The following KDM6A variants were observed in gnomAD, a reference collection of about 807,000 sequenced individuals.
KDM6A encodes lysine-specific demethylase 6A.
A neutral mutation model predicts 117.6 loss-of-function variants in KDM6A; 11 were observed. The ratio of observed to expected loss-of-function variants is 0.09; its 90% CI spans 0.06 to 0.15. The LOEUF is 0.15. KDM6A is among the 10% of genes least tolerant of loss of function. The probability of loss-of-function intolerance (pLI) is 1.00; values close to 1 mark genes in which losing one functional copy is unlikely to be tolerated. For missense variants in KDM6A, 799 were observed against 1,077.3 expected (o/e 0.74, Z 3.62); for synonymous variants, 384 against 396.1 (o/e 0.97, Z 0.36).
chrX:45,013,556 T>C (rs2041850014), intron 5 of KDM6A, among the ~76,000 whole-genome samples: 1 of 112,182 alleles, frequency 8.9e-6, no homozygotes, highest in South Asian at 3.7e-4. Flanking sequence ...ATATGATTTC[T>C]ATATTTTTCA....
intron 2 of KDM6A, among the ~76,000 whole-genome samples, chrX:44,926,134 G>C (rs932060032): frequency 2.0e-5 from 2 of 100,048 alleles, no homozygotes; most frequent in Admixed American, 1.1e-4. Flanking sequence ...GCAGTGACAT[G>C]ATCCCAGCTC....
chrX:44,883,258 A>G (rs946681361), intron 2 of KDM6A, among the ~76,000 whole-genome samples: 4 of 109,642 alleles, frequency 3.6e-5, no homozygotes, highest in Non-Finnish European at 7.6e-5. Flanking sequence ...TTTTGTAGAG[A>G]CAGGGTTTCA....
At chrX:45,083,647 A>G in intron 24 of KDM6A, 39 bp downstream of exon 24, 1 of 1,107,175 alleles carries the variant, frequency 9.0e-7, no homozygotes, top group South Asian at 1.9e-5. Flanking sequence ...TAAAATGGAA[A>G]ACAAAATCAA....
chrX:45,083,277 T>C (rs999427495), intron 23 of KDM6A, among the ~76,000 whole-genome samples, 183 bp from the exon 24 acceptor site: 5 of 112,178 alleles, frequency 4.5e-5, no homozygotes, highest in African/African-American at 1.6e-4. Flanking sequence ...TTTTTATGCC[T>C]ATTTTTTGTT....
intron 2 of KDM6A, among the ~76,000 whole-genome samples, chrX:44,875,418 C>A (rs1176242883): frequency 9.0e-6 from 1 of 111,360 alleles, no homozygotes; most frequent in African/African-American, 3.3e-5. Flanking sequence ...GTAAGCCCGG[C>A]CCCTTTGACC....
intron 5 of KDM6A, among the ~76,000 whole-genome samples, chrX:45,020,121 G>A (rs997730471): frequency 9.0e-6 from 1 of 111,336 alleles, no homozygotes; most frequent in African/African-American, 3.3e-5. Flanking sequence ...TCTCTTAACC[G>A]CACATAGTAT....
chrX:44,951,918 A>C (rs983830601), intron 2 of KDM6A, among the ~76,000 whole-genome samples: 4 of 111,706 alleles, frequency 3.6e-5, no homozygotes, highest in African/African-American at 1.3e-4. Context: ...TAATTACTGT[A>C]ATAGACCCCA....
chrX:44,997,003 C>G (rs1471609993), intron 4 of KDM6A, among the ~76,000 whole-genome samples: 1 of 111,567 alleles, frequency 9.0e-6, no homozygotes, highest in Non-Finnish European at 1.9e-5. Context: ...GCTCAAACCT[C>G]TAGGGGAGCA....
At chrX:45,103,296 GC>G (rs946610338) in intron 27 of KDM6A, among the ~76,000 whole-genome samples, 2 of 110,800 alleles carry the variant, frequency 1.8e-5, no homozygotes, top group African/African-American at 6.6e-5. Flanking sequence ...CCCCAAAGAA[GC>G]CCCCATACTA....
At chrX:45,007,805 C>G (rs2041572822) in intron 4 of KDM6A, among the ~76,000 whole-genome samples, 1 of 111,720 alleles carries the variant, frequency 9.0e-6, no homozygotes, top group South Asian at 3.7e-4. Flanking sequence ...AGTTTCAGTT[C>G]CTATGTCTGC....
At chrX:44,964,450 G>GAA (rs565164399) in intron 3 of KDM6A, among the ~76,000 whole-genome samples, 8,420 of 54,099 alleles carry the variant, frequency 0.16, 760 homozygotes, top group African/African-American at 0.27. Context: ...CTCTGTCTCA[G>GAA]AAAAAAAAAA....
chrX:45,014,948 T>C (rs2147618579), intron 5 of KDM6A, among the ~76,000 whole-genome samples: 1 of 111,847 alleles, frequency 8.9e-6, no homozygotes, highest in South Asian at 3.7e-4. Flanking sequence ...CAAATATAAT[T>C]GACAGGCTTA....
intron 2 of KDM6A, among the ~76,000 whole-genome samples, chrX:44,887,507 A>G (rs2032988511): frequency 9.0e-6 from 1 of 111,102 alleles, no homozygotes; most frequent in Non-Finnish European, 1.9e-5. Context: ...TTAGACTAAA[A>G]TGGCATGGAT....
At position 45,110,267 on chromosome X, in the gene KDM6A, G is replaced by C. The variant is rs2148308810; in HGVS notation, c.4332+18G>C. The C allele has an allele frequency of 8.5e-7, 1 of 1,180,521 alleles. No homozygotes were observed. The highest frequency in any genetic ancestry group is 1.2e-6 in the Non-Finnish European group (1 of 867,146). Reference sequence around the variant, plus strand: ...TTACATTAGTAAGTCAAATCAACATGTGAGTACATAGTTAGCTGGGTTATG... The same window carrying C: ...TTACATTAGTAAGTCAAATCAACATCTGAGTACATAGTTAGCTGGGTTATG... On this transcript the variant is annotated intron_variant, in intron 29 of 29. Transcript: ENST00000611820.
intron 2 of KDM6A, among the ~76,000 whole-genome samples, chrX:44,954,776 C>CT (rs1274612570): frequency 1.1e-4 from 12 of 111,167 alleles, no homozygotes; most frequent in Admixed American, 9.7e-5. Flanking sequence ...CAATAAATAG[C>CT]ATTGCTGGAA....
chrX:45,069,068 A>G (rs1192690112), intron 17 of KDM6A, among the ~76,000 whole-genome samples: 1 of 111,465 alleles, frequency 9.0e-6, no homozygotes, highest in Admixed American at 9.6e-5. Context: ...ATTTTCATAG[A>G]TTTAATAGTT....
At chrX:44,977,866 ATTTG>A (rs1212828449) in intron 4 of KDM6A, among the ~76,000 whole-genome samples, 2 of 112,074 alleles carry the variant, frequency 1.8e-5, no homozygotes, top group Admixed American at 9.4e-5. Flanking sequence ...TCTTTGAAAT[ATTTG>A]TTCATGTCTC....
At chrX:44,886,302 C>T (rs925706220) in intron 2 of KDM6A, among the ~76,000 whole-genome samples, 1 of 110,570 alleles carries the variant, frequency 9.0e-6, no homozygotes, top group Non-Finnish European at 1.9e-5. Context: ...CCCGCCTTGG[C>T]CCCCCAAAGT....
At chrX:44,985,988 C>T (rs1352307852) in intron 4 of KDM6A, among the ~76,000 whole-genome samples, 2 of 111,813 alleles carry the variant, frequency 1.8e-5, no homozygotes, top group Non-Finnish European at 3.8e-5. Context: ...GGAATGGTAC[C>T]AGCTCGTCCT....
Sources: allele counts gnomAD v4.1 joint callset (sites outside exome capture counted in the v4.1 genomes callset), GRCh38; gene constraint gnomAD v4.1.1; transcripts MANE v1.5; gene names NCBI Gene and HGNC (gene_info 2026-07-23, HGNC 2026-07-21).